The following FREM2 variants were observed in gnomAD, a reference collection of about 807,000 sequenced individuals.
FREM2 encodes FRAS1-related extracellular matrix protein 2.
In FREM2, 119 loss-of-function variants were observed where a neutral mutation model predicts 219.9. The ratio of observed to expected loss-of-function variants is 0.54; its 90% CI spans 0.47 to 0.63. The LOEUF is 0.63. Ranked by LOEUF, FREM2 falls within the 30% of genes least tolerant of loss-of-function variation. The pLI is 0.00. For missense variants in FREM2, 4,030 were observed against 3,993.6 expected, an observed-to-expected ratio of 1.01 and a Z score of -0.25; for synonymous variants, 1,562 against 1,522.8, an observed-to-expected ratio of 1.03 and a Z score of -0.60.
chr13:38,880,186 T>A, intron 23 of FREM2, 98 bp from the exon 24 acceptor site: 3 of 1,250,168 alleles, frequency 2.4e-6, no homozygotes, highest in Non-Finnish European at 3.5e-6. Flanking sequence ...CTAAAATCAT[T>A]TATTAATATC....
At chr13:38,850,459 T>A (rs1189366798) in intron 9 of FREM2, among the ~76,000 whole-genome samples, 3 of 152,210 alleles carry the variant, frequency 2.0e-5, no homozygotes, top group Non-Finnish European at 4.4e-5. Flanking sequence ...TATGGTTTAT[T>A]CAAAACTTAT....
At chr13:38,816,991 A>G (rs548639388) in intron 6 of FREM2, among the ~76,000 whole-genome samples, 1 of 152,230 alleles carries the variant, frequency 6.6e-6, no homozygotes, top group Admixed American at 6.5e-5. Flanking sequence ...AAAGATACCT[A>G]GTAATAAATT....
rs1869738031 is a variant in FREM2, at chr13:38,689,934, A to G, written c.2590A>G (p.Ile864Val). Reference protein sequence around the residue: ...VNDVDTDVAHISFTLTQAPKH... With the variant: ...VNDVDTDVAHVSFTLTQAPKH... ...TGATGTAGACACTGATGTTGCCCAT[A>G]TCTCTTTCACTCTCACTCAGGCACC... The change falls in exon 1 of 24, where the codon ATC (isoleucine) becomes GTC (valine). Residue 864 changes from isoleucine (I) to valine (V), a missense_variant. By Grantham distance (29) the Ile-to-Val change is conservative. Around this residue, in one of 2 missense-constraint regions of FREM2, gnomAD observed 3,102 missense variants for 2,950.7 expected, o/e 1.05. Coordinates refer to ENST00000280481, the MANE Select transcript of FREM2 (RefSeq NM_207361.6). 6.2e-7 allele frequency: 1 copy of G among 1,614,174 alleles called. No individual in the cohort carries two copies. Among genetic ancestry groups the G allele is most frequent in the Non-Finnish European group, 8.5e-7 (1 of 1,180,038 alleles).
At chr13:38,760,665 T>G (rs1209522580) in intron 2 of FREM2, among the ~76,000 whole-genome samples, 1 of 152,224 alleles carries the variant, frequency 6.6e-6, no homozygotes, top group African/African-American at 2.4e-5. Context: ...AGATATGTTA[T>G]GTTTACATAG....
At chr13:38,805,336 A>T (rs1015635123) in intron 6 of FREM2, among the ~76,000 whole-genome samples, 20 of 151,846 alleles carry the variant, frequency 1.3e-4, no homozygotes, top group African/African-American at 4.8e-4. Context: ...GAGGAGAGGG[A>T]TTGAAAAAAA....
chr13:38,716,622 C>T (rs1871012692), intron 2 of FREM2, among the ~76,000 whole-genome samples: 1 of 152,124 alleles, frequency 6.6e-6, no homozygotes, highest in African/African-American at 2.4e-5. Flanking sequence ...AGTCTCCTCC[C>T]TCAACCTCCC....
At chr13:38,762,444 T>C (rs972530410) in intron 2 of FREM2, among the ~76,000 whole-genome samples, 5 of 91,170 alleles carry the variant, frequency 5.5e-5, no homozygotes, top group African/African-American at 1.4e-4. Context: ...TGCTCTCCAA[T>C]CTTTTTTTTT....
At chr13:38,800,542 T>C (rs1874968998) in intron 6 of FREM2, among the ~76,000 whole-genome samples, 1 of 152,200 alleles carries the variant, frequency 6.6e-6, no homozygotes. Context: ...AAGACCTTTC[T>C]GAGTTACATC....
At chr13:38,817,715 A>T (rs900927633) in intron 6 of FREM2, among the ~76,000 whole-genome samples, 5 of 152,182 alleles carry the variant, frequency 3.3e-5, no homozygotes, top group Non-Finnish European at 7.4e-5. Flanking sequence ...ATAGGATTAT[A>T]TCAAACTAAA....
intron 4 of FREM2, among the ~76,000 whole-genome samples, chr13:38,781,018 A>G (rs551079242): frequency 2.0e-5 from 3 of 152,244 alleles, no homozygotes; most frequent in South Asian, 2.1e-4. Context: ...TTCTCATCCC[A>G]TCTGGTCTTT....
chr13:38,808,867 C>G (rs1025896320), intron 6 of FREM2, among the ~76,000 whole-genome samples: 3 of 151,918 alleles, frequency 2.0e-5, no homozygotes, highest in Non-Finnish European at 2.9e-5. Context: ...TGCCACAGGT[C>G]TTCAATATGT....
intron 5 of FREM2, among the ~76,000 whole-genome samples, chr13:38,784,094 G>C (rs1057078020): frequency 6.6e-6 from 1 of 152,178 alleles, no homozygotes; most frequent in African/African-American, 2.4e-5. Flanking sequence ...GCGAAACTCA[G>C]TCTCAAAAAA....
At chr13:38,795,896 C>T (rs891650565) in intron 6 of FREM2, among the ~76,000 whole-genome samples, 2 of 152,186 alleles carry the variant, frequency 1.3e-5, no homozygotes, top group Non-Finnish European at 2.9e-5. Flanking sequence ...CCTCCAGTTC[C>T]ATCCATGATG....
At chr13:38,782,404 G>A (rs1217973839) in intron 4 of FREM2, among the ~76,000 whole-genome samples, 4 of 151,976 alleles carry the variant, frequency 2.6e-5, no homozygotes, top group Admixed American at 2.6e-4. Context: ...AAGAATCATT[G>A]GTAATATTGT....
At chr13:38,845,999 G>A (rs1356778880) in intron 6 of FREM2, among the ~76,000 whole-genome samples, 1 of 152,046 alleles carries the variant, frequency 6.6e-6, no homozygotes, top group East Asian at 1.9e-4. Context: ...TACTCTACAG[G>A]CAACCTGCAG....
At chr13:38,776,442 A>G (rs1194525165) in intron 4 of FREM2, among the ~76,000 whole-genome samples, 1 of 152,220 alleles carries the variant, frequency 6.6e-6, no homozygotes, top group Non-Finnish European at 1.5e-5. Flanking sequence ...TATAAAATGT[A>G]CATTCTCTTT....
At chr13:38,793,177 C>T (rs928105287) in intron 6 of FREM2, among the ~76,000 whole-genome samples, 6 of 152,158 alleles carry the variant, frequency 3.9e-5, no homozygotes, top group Non-Finnish European at 8.8e-5. Flanking sequence ...GTGCTGGGGA[C>T]ATAACAGCAA....
chr13:38,753,296 A>C (rs1476880535), intron 2 of FREM2, among the ~76,000 whole-genome samples: 3 of 152,210 alleles, frequency 2.0e-5, no homozygotes, highest in African/African-American at 7.2e-5. Context: ...AATTTTAAAC[A>C]CATTTTAAAA....
chr13:38,692,627 C>A, intron 1 of FREM2, 110 bp downstream of exon 1: 1 of 1,295,164 alleles, frequency 7.7e-7, no homozygotes, highest in Non-Finnish European at 1.1e-6. Context: ...GGAAAGGAAA[C>A]AAAGGGGATG....
Sources: allele counts gnomAD v4.1 joint callset (sites outside exome capture counted in the v4.1 genomes callset), GRCh38; gene constraint gnomAD v4.1.1; regional missense constraint gnomAD v4.1.1; transcripts MANE v1.5; gene names NCBI Gene and HGNC (gene_info 2026-07-23, HGNC 2026-07-21).